The following SH3BGRL variants were observed in gnomAD, a reference collection of about 807,000 sequenced individuals.
SH3BGRL encodes SH3 domain binding glutamate rich protein like.
A neutral mutation model predicts 9.8 loss-of-function variants in SH3BGRL; 7 were observed. The ratio of observed to expected loss-of-function variants is 0.72; its 90% CI spans 0.41 to 1.35. SH3BGRL has a LOEUF of 1.35. Ranked by LOEUF, SH3BGRL falls within the 40% of genes most tolerant of loss-of-function variation. SH3BGRL has a pLI of 0.01. For missense variants in SH3BGRL, 73 were observed against 84.4 expected, an observed-to-expected ratio of 0.86 and a Z score of 0.53; for synonymous variants, 36 against 29.1, an observed-to-expected ratio of 1.24 and a Z score of -0.76.
intron 3 of SH3BGRL, 80 bp from the exon 4 acceptor site, chrX:81,297,115 A>G (rs41311729): frequency 5.9e-5 from 49 of 827,324 alleles, no homozygotes; most frequent in Non-Finnish European, 6.3e-5. Context: ...AGTTGGAACT[A>G]ATGTAGTCTG....
rs1452063548 is a variant in SH3BGRL, at chrX:81,289,391, C to T, written c.313-7804C>T. On this transcript the variant is annotated intron_variant, in intron 3 of 3. Coordinates refer to ENST00000373212, the MANE Select transcript of SH3BGRL (RefSeq NM_003022.3). ...AATTTGTTGAGAAATATCCCAAAAGCACAGGCAACGAAAGTAATCATGGAC... is the reference window on the plus strand; with the variant it reads ...AATTTGTTGAGAAATATCCCAAAAGTACAGGCAACGAAAGTAATCATGGAC... Among the ~76,000 whole-genome samples the T allele has an allele frequency of 1.8e-5, 2 of 110,686 alleles. 1 individual carries two copies. Among genetic ancestry groups the T allele is most frequent in the Non-Finnish European group, 3.8e-5 (2 of 52,624 alleles).
intron 1 of SH3BGRL, among the ~76,000 whole-genome samples, chrX:81,204,330 T>A (rs1192298765): frequency 8.9e-6 from 1 of 111,896 alleles, no homozygotes; most frequent in East Asian, 2.8e-4. Flanking sequence ...CTTTGTAACA[T>A]GAATGGAGTG....
chrX:81,243,714 T>TA lies in SH3BGRL; in HGVS notation c.46-33261dup, dbSNP rs771415856. On this transcript the variant is annotated intron_variant, in intron 1 of 3. Coordinates refer to ENST00000373212, the MANE Select transcript of SH3BGRL (RefSeq NM_003022.3). ...ATACCAACTATGTGCTCACAAAAATTAAAAAAAAATAAGTAAATTCTTACT... is the reference window on the plus strand; with the variant it reads ...ATACCAACTATGTGCTCACAAAAATTAAAAAAAAAATAAGTAAATTCTTACT... Among the ~76,000 whole-genome samples the TA allele has an allele frequency of 5.4e-4, 59 of 109,404 alleles. No homozygotes were observed. In the South Asian group the frequency reaches 0.021, roughly 39 times the overall value.
At chrX:81,235,698 T>A (rs2075645846) in intron 1 of SH3BGRL, among the ~76,000 whole-genome samples, 1 of 111,351 alleles carries the variant, frequency 9.0e-6, no homozygotes, top group Non-Finnish European at 1.9e-5. Flanking sequence ...AAATTTTTAT[T>A]TTTCCACTTA....
At chrX:81,205,381 C>T (rs2075543540) in intron 1 of SH3BGRL, among the ~76,000 whole-genome samples, 1 of 109,710 alleles carries the variant, frequency 9.1e-6, no homozygotes, top group African/African-American at 3.3e-5. Context: ...GTCCTCCAGG[C>T]TCATCCATGT....
At chrX:81,242,617 A>G (rs1031433216) in intron 1 of SH3BGRL, among the ~76,000 whole-genome samples, 1 of 111,857 alleles carries the variant, frequency 8.9e-6, no homozygotes, top group Admixed American at 9.4e-5. Context: ...GGGAACAATC[A>G]ACAAAGTGAA....
intron 1 of SH3BGRL, among the ~76,000 whole-genome samples, chrX:81,211,323 G>C (rs745452972): frequency 9.8e-5 from 11 of 112,049 alleles, no homozygotes; most frequent in Middle Eastern, 4.6e-3. Flanking sequence ...GGTGGCTCAC[G>C]CCTGTAATCT....
intron 1 of SH3BGRL, chrX:81,237,312 A>G (rs1373872173): frequency 6.2e-6 from 2 of 323,083 alleles, no homozygotes; most frequent in South Asian, 2.7e-5. Flanking sequence ...TTTTAACATC[A>G]TATTGGTGAA....
chrX:81,232,853 G>T (rs1242995534), intron 1 of SH3BGRL, among the ~76,000 whole-genome samples: 2 of 111,371 alleles, frequency 1.8e-5, no homozygotes, highest in Non-Finnish European at 3.8e-5. Flanking sequence ...TTTTGGCCCT[G>T]TCAGATCATG....
intron 1 of SH3BGRL, among the ~76,000 whole-genome samples, chrX:81,236,683 G>A (rs934939736): frequency 5.4e-5 from 6 of 111,951 alleles, no homozygotes; most frequent in Non-Finnish European, 1.1e-4. Context: ...ACTGAGCCAT[G>A]TATTTCTAAA....
chrX:81,284,513 A>G (rs887979773), intron 3 of SH3BGRL, among the ~76,000 whole-genome samples: 4 of 111,213 alleles, frequency 3.6e-5, no homozygotes, highest in Non-Finnish European at 7.6e-5. Context: ...TGATTGGGAA[A>G]TGAAGAAAAG....
At chrX:81,213,502 C>A (rs1460494834) in intron 1 of SH3BGRL, among the ~76,000 whole-genome samples, 1 of 111,918 alleles carries the variant, frequency 8.9e-6, no homozygotes, top group Non-Finnish European at 1.9e-5. Flanking sequence ...TTTCCTTAAG[C>A]TTTAGCAATT....
At chrX:81,271,705 A>G (rs1048819818) in intron 1 of SH3BGRL, among the ~76,000 whole-genome samples, 1 of 111,591 alleles carries the variant, frequency 9.0e-6, no homozygotes, top group Non-Finnish European at 1.9e-5. Context: ...TCCCCAATCT[A>G]GCAAGACAGG....
intron 1 of SH3BGRL, among the ~76,000 whole-genome samples, chrX:81,223,166 C>T: frequency 9.0e-6 from 1 of 111,409 alleles, no homozygotes; most frequent in East Asian, 2.8e-4. Context: ...TGTGCAGAAG[C>T]TCTTTAGTTT....
intron 3 of SH3BGRL, among the ~76,000 whole-genome samples, chrX:81,291,835 A>C (rs1430261564): frequency 8.9e-6 from 1 of 112,308 alleles, no homozygotes; most frequent in Non-Finnish European, 1.9e-5. Flanking sequence ...GACTGAAACC[A>C]AGTAGGACAA....
intron 1 of SH3BGRL, among the ~76,000 whole-genome samples, chrX:81,231,975 C>T (rs189369745): frequency 9.0e-6 from 1 of 111,272 alleles, no homozygotes; most frequent in African/African-American, 3.3e-5. Flanking sequence ...TATATACACA[C>T]ACACGTATAT....
intron 3 of SH3BGRL, among the ~76,000 whole-genome samples, chrX:81,284,064 T>A (rs1223164626): frequency 2.7e-5 from 3 of 109,172 alleles, no homozygotes; most frequent in Non-Finnish European, 5.7e-5. Context: ...CAACCCCTTT[T>A]ATGTTAGCTG....
At chrX:81,221,339 T>C (rs191771274) in intron 1 of SH3BGRL, among the ~76,000 whole-genome samples, 1 of 111,653 alleles carries the variant, frequency 9.0e-6, no homozygotes, top group Non-Finnish European at 1.9e-5. Flanking sequence ...TCTTAACTTT[T>C]GGAGTTAATT....
At chrX:81,274,163 A>G (rs1334649276) in intron 1 of SH3BGRL, among the ~76,000 whole-genome samples, 1 of 111,719 alleles carries the variant, frequency 9.0e-6, no homozygotes, top group African/African-American at 3.3e-5. Context: ...TGTGACACCT[A>G]TTCCTCTTGG....
Sources: gnomAD v4.1 joint callset for allele counts (sites outside exome capture counted in the v4.1 genomes callset) on GRCh38, gnomAD v4.1.1 for gene constraint, MANE v1.5 for transcripts, NCBI Gene and HGNC (gene_info 2026-07-23, HGNC 2026-07-21) for gene names.